MBP: variants seen among roughly 807,000 people sequenced by gnomAD.
The protein encoded by MBP is myelin basic protein.
In MBP, 16 loss-of-function variants were observed where a neutral mutation model predicts 35.8. The observed-to-expected ratio is 0.45, with a 90% CI of 0.30 to 0.68. MBP has a LOEUF of 0.68. Among genes scored for constraint, MBP ranks in the 30% least tolerant of loss-of-function variants. The pLI is 0.08. For missense variants in MBP, 380 were observed against 404.7 expected, an observed-to-expected ratio of 0.94 and a Z score of 0.52; for synonymous variants, 143 against 159.6, an observed-to-expected ratio of 0.90 and a Z score of 0.78.
chr18:77,014,938 TAA>T (rs966872254), intron 4 of MBP: 1 of 983,742 alleles, frequency 1.0e-6, no homozygotes, highest in African/African-American at 1.7e-5. Flanking sequence ...TTTTTATTTT[TAA>T]AATTTTTGAA....
chr18:77,019,590 C>T (rs1331056886), intron 3 of MBP, among the ~76,000 whole-genome samples: 1 of 152,234 alleles, frequency 6.6e-6, no homozygotes, highest in African/African-American at 2.4e-5. Flanking sequence ...ACAATGGTCA[C>T]AGAAGAATTC....
chr18:77,056,773 C>T (rs1013978982), intron 3 of MBP, among the ~76,000 whole-genome samples: 3 of 152,180 alleles, frequency 2.0e-5, no homozygotes, highest in African/African-American at 7.2e-5. Context: ...CTGAGTCCTC[C>T]CAGCAACCTG....
intron 3 of MBP, among the ~76,000 whole-genome samples, chr18:77,026,321 C>T (rs1972221778): frequency 6.6e-6 from 1 of 152,250 alleles, no homozygotes; most frequent in South Asian, 2.1e-4. Context: ...CAACTTTGTT[C>T]TAAAGCCAGG....
chr18:76,985,312 C>T, intron 7 of MBP: 3 of 1,297,938 alleles, frequency 2.3e-6, no homozygotes, highest in South Asian at 1.2e-5. Flanking sequence ...GGGGGCTGTG[C>T]GCTGTGTAGG....
chr18:77,001,311 G>A (rs1420132384), intron 4 of MBP, among the ~76,000 whole-genome samples: 2 of 152,254 alleles, frequency 1.3e-5, no homozygotes, highest in South Asian at 4.1e-4. Context: ...TCTTCCAGAG[G>A]AGAGTAAATC....
chr18:77,079,929 G>A (rs559050884), intron 2 of MBP, among the ~76,000 whole-genome samples: 2 of 152,184 alleles, frequency 1.3e-5, no homozygotes, highest in Non-Finnish European at 2.9e-5. Flanking sequence ...CTCCGGGATT[G>A]AACGGTTCTT....
At chr18:77,112,855 G>C (rs960134290) in intron 1 of MBP, 1 of 152,278 alleles carries the variant, frequency 6.6e-6, no homozygotes, top group African/African-American at 2.4e-5. Context: ...GGAAGGTTTT[G>C]TAGATGTCCT....
intron 2 of MBP, among the ~76,000 whole-genome samples, chr18:77,088,849 A>T (rs890625541): frequency 6.6e-6 from 1 of 152,216 alleles, no homozygotes; most frequent in African/African-American, 2.4e-5. Flanking sequence ...CTTATTTGGA[A>T]ACAGAGTCTT....
chr18:77,100,591 C>T (rs113915917), intron 2 of MBP, among the ~76,000 whole-genome samples: 2,079 of 135,882 alleles, frequency 0.015, 64 homozygotes, highest in African/African-American at 0.049. Context: ...TACTCTGTTG[C>T]CCAGGCTGGA....
In MBP at chr18:77,009,819, C is replaced by G. The variant is rs771692747; in HGVS notation, c.576+7013G>C. On this transcript the variant is annotated intron_variant, in intron 4 of 8. Transcript: ENST00000355994. ...AGGAAACGGCAGGTCACCCCTGGCCCCGATGGGTGAGGACCCGCCGGCGTC... is the reference window on the plus strand; with the variant it reads ...AGGAAACGGCAGGTCACCCCTGGCCGCGATGGGTGAGGACCCGCCGGCGTC... 1.6e-5 allele frequency: 25 copies of G among 1,547,558 alleles called. No individual in the cohort carries two copies. In the Middle Eastern group the frequency reaches 5.0e-4, roughly 31 times the overall value.
chr18:77,002,655 C>T (rs79307657), intron 4 of MBP, among the ~76,000 whole-genome samples: 3,118 of 152,314 alleles, frequency 0.02, 58 homozygotes, highest in Middle Eastern at 0.044. Flanking sequence ...TATTGAGATG[C>T]ACAGAGGTTC....
Position 76,988,317 on chromosome 18 carries a change from C to G in MBP, c.750+178G>C, listed in dbSNP as rs1241684163. The G allele has an allele frequency of 1.3e-6, 2 of 1,574,482 alleles. No individual in the cohort carries two copies. On this transcript the variant is annotated intron_variant, in intron 7 of 8. Coordinates refer to ENST00000355994, the MANE Select transcript of MBP (RefSeq NM_001025101.2). This position sits in a 1 kb window ranked among gnomAD's most constrained non-coding sequence, Gnocchi z 5.2. ...GACCAGACCTTCCGGAAGGGAAGAC[C>G]ACGTTTCATTTCCCCAGTGGAAGAC... is the stretch of plus-strand genomic sequence containing the variant.
chr18:77,130,111 C>T (rs1158912749), intron 1 of MBP, among the ~76,000 whole-genome samples: 5 of 150,650 alleles, frequency 3.3e-5, no homozygotes, highest in Non-Finnish European at 5.9e-5. Flanking sequence ...TTATTGACAA[C>T]TAAGAAAGCT....
At chr18:77,055,407 C>T (rs1400859418) in intron 3 of MBP, among the ~76,000 whole-genome samples, 1 of 152,224 alleles carries the variant, frequency 6.6e-6, no homozygotes, top group Non-Finnish European at 1.5e-5. Flanking sequence ...CCAGGAGGTG[C>T]ATGGGTGGCT....
chr18:77,072,381 C>A (rs1375752750), intron 2 of MBP, among the ~76,000 whole-genome samples: 6 of 152,154 alleles, frequency 3.9e-5, no homozygotes, highest in Non-Finnish European at 7.3e-5. Context: ...AGTTTGGGGG[C>A]ATCAGGATCT....
intron 3 of MBP, among the ~76,000 whole-genome samples, chr18:77,051,088 G>T (rs577576332): frequency 6.6e-6 from 1 of 152,210 alleles, no homozygotes; most frequent in South Asian, 2.1e-4. Flanking sequence ...TAAACTTGAG[G>T]TAACATAGCA....
rs184846421 is a variant in MBP at position 77,025,289 on chromosome 18, C to T, written c.140-8021G>A. ...TGAACTGCAGATAATCGATGGCTGACGCATCTGTGGCTAGCAGCTGCTTCA... is the reference window on the plus strand; with the variant it reads ...TGAACTGCAGATAATCGATGGCTGATGCATCTGTGGCTAGCAGCTGCTTCA... On this transcript the variant is annotated intron_variant, in intron 3 of 8. Coordinates refer to ENST00000355994, the MANE Select transcript of MBP (RefSeq NM_001025101.2). Among the ~76,000 whole-genome samples the T allele has an allele frequency of 9.1e-4, 139 of 152,260 alleles. 1 individual carries two copies. The highest frequency in any genetic ancestry group is 1.7e-3 in the African/African-American group (72 of 41,558).
At chr18:77,042,498 G>C (rs557940520) in intron 3 of MBP, among the ~76,000 whole-genome samples, 40 of 152,336 alleles carry the variant, frequency 2.6e-4, no homozygotes, top group Non-Finnish European at 5.3e-4. Context: ...GAAAACTCTA[G>C]TGAGAAACCA....
intron 4 of MBP, chr18:77,003,479 A>G (rs1464528380): frequency 6.6e-6 from 1 of 152,216 alleles, no homozygotes; most frequent in African/African-American, 2.4e-5. Context: ...GGAAGTGCAG[A>G]TACCAGAGAG....
Sources: gnomAD v4.1 joint callset for allele counts (sites outside exome capture counted in the v4.1 genomes callset) on GRCh38, gnomAD v4.1.1 for gene constraint, Gnocchi (gnomAD v3.1) non-coding constraint, MANE v1.5 for transcripts, NCBI Gene and HGNC (gene_info 2026-07-23, HGNC 2026-07-21) for gene names.